Variants in STK39 observed in about 807,000 individuals in gnomAD.
STK39 encodes serine/threonine kinase 39.
A neutral mutation model predicts 77.8 loss-of-function variants in STK39; 20 were observed. The observed-to-expected ratio is 0.26, with a 90% CI of 0.18 to 0.37. The LOEUF is 0.37. Ranked by LOEUF, STK39 falls within the 10% of genes least tolerant of loss-of-function variation. The pLI is 1.00. For missense variants in STK39, 479 were observed against 656.5 expected, an observed-to-expected ratio of 0.73 and a Z score of 2.95; for synonymous variants, 246 against 234.1, an observed-to-expected ratio of 1.05 and a Z score of -0.47.
At chr2:168,074,446 A>G (rs1048758332) in intron 12 of STK39, among the ~76,000 whole-genome samples, 2 of 152,216 alleles carry the variant, frequency 1.3e-5, no homozygotes, top group African/African-American at 4.8e-5. Flanking sequence ...TCAAAAGATG[A>G]CCAGGCCTCA....
chr2:168,030,117 G>T (rs540334162), intron 14 of STK39, among the ~76,000 whole-genome samples: 2 of 152,068 alleles, frequency 1.3e-5, no homozygotes, highest in East Asian at 3.9e-4. Flanking sequence ...GGCGGGCGCC[G>T]GTAGTCCAGC....
At chr2:168,238,593 A>T (rs145374141) in intron 1 of STK39, among the ~76,000 whole-genome samples, 1 of 152,352 alleles carries the variant, frequency 6.6e-6, no homozygotes, top group East Asian at 1.9e-4. Context: ...AGTTTCTTAA[A>T]GCTAAGCCAG....
intron 5 of STK39, among the ~76,000 whole-genome samples, chr2:168,152,392 A>G (rs957887673): frequency 6.6e-6 from 1 of 152,230 alleles, no homozygotes; most frequent in Admixed American, 6.5e-5. Flanking sequence ...AAGTGACTGC[A>G]GCTAATGAAG....
intron 5 of STK39, among the ~76,000 whole-genome samples, chr2:168,145,215 G>T (rs2105543003): frequency 6.6e-6 from 1 of 152,256 alleles, no homozygotes; most frequent in South Asian, 2.1e-4. Context: ...GTGGAGCCAA[G>T]AAGAAAAACT....
At chr2:168,049,616 T>A (rs757219315) in intron 14 of STK39, among the ~76,000 whole-genome samples, 2 of 152,214 alleles carry the variant, frequency 1.3e-5, no homozygotes, top group African/African-American at 2.4e-5. Context: ...GAGAATAACA[T>A]TAGTATCTAT....
Position 168,247,489 on chromosome 2 carries a change from T to G in STK39, c.-54A>C, listed in dbSNP as rs76179989. On this transcript the variant is annotated 5_prime_UTR_variant, in exon 1 of 18. Coordinates refer to ENST00000355999, the MANE Select transcript of STK39 (RefSeq NM_013233.3). ...GCCGGCCGACGGACGACCTTCCACT[T>G]GAAACTTCCTTTGCCTCGCCGCCGA... 0.12 allele frequency: 143,491 copies of G among 1,238,442 alleles called. 9,384 individuals carry two copies. Among genetic ancestry groups the G allele is most frequent in the East Asian group, 0.22 (4,787 of 22,174 alleles). The allele number at this position is 1,238,442 out of a possible 1,614,324, so 76.7% of individuals were successfully genotyped here. A position where few individuals can be genotyped will look rare whatever the true frequency, so the allele number is the denominator to read the frequency against.
chr2:167,962,338 A>G (rs1013116439), intron 17 of STK39, among the ~76,000 whole-genome samples: 6 of 152,214 alleles, frequency 3.9e-5, no homozygotes, highest in East Asian at 1.9e-4. Context: ...TTAGTGTCCT[A>G]TGCAAGATCA....
chr2:168,246,541 C>T (rs1690908057), intron 1 of STK39, among the ~76,000 whole-genome samples: 1 of 152,226 alleles, frequency 6.6e-6, no homozygotes, highest in African/African-American at 2.4e-5. Flanking sequence ...CCCCGGGGAG[C>T]CGGACTGGGC....
At chr2:168,133,288 C>T (rs1687747657) in intron 8 of STK39, among the ~76,000 whole-genome samples, 1 of 152,162 alleles carries the variant, frequency 6.6e-6, no homozygotes, top group African/African-American at 2.4e-5. Flanking sequence ...AAAGAAAACT[C>T]CTTTCTCTGC....
At chr2:168,138,715 G>A (rs996050122) in intron 7 of STK39, among the ~76,000 whole-genome samples, 4 of 152,274 alleles carry the variant, frequency 2.6e-5, no homozygotes, top group Admixed American at 2.6e-4. Context: ...TTAAAAAAAT[G>A]AGAAAACATA....
At chr2:168,062,061 G>A (rs1685679716) in intron 14 of STK39, among the ~76,000 whole-genome samples, 1 of 152,124 alleles carries the variant, frequency 6.6e-6, no homozygotes, top group Non-Finnish European at 1.5e-5. Flanking sequence ...GCTTTAGTAT[G>A]CACAGAAGCT....
At chr2:168,101,274 G>T (rs1280049047) in intron 10 of STK39, among the ~76,000 whole-genome samples, 1 of 152,122 alleles carries the variant, frequency 6.6e-6, no homozygotes, top group Non-Finnish European at 1.5e-5. Flanking sequence ...GTTGATGGGT[G>T]CAGCAAACCA....
chr2:168,082,630 C>T (rs994211999), intron 10 of STK39, among the ~76,000 whole-genome samples: 12 of 152,172 alleles, frequency 7.9e-5, no homozygotes, highest in Admixed American at 6.5e-5. Flanking sequence ...GCTCTGCCTC[C>T]ACGATAAATG....
chr2:168,124,948 G>A (rs1687502802), intron 10 of STK39, among the ~76,000 whole-genome samples: 1 of 151,722 alleles, frequency 6.6e-6, no homozygotes, highest in African/African-American at 2.4e-5. Context: ...ACAGGGAGGG[G>A]AACATCACAT....
At chr2:168,112,654 A>G (rs558142608) in intron 10 of STK39, among the ~76,000 whole-genome samples, 5 of 152,300 alleles carry the variant, frequency 3.3e-5, no homozygotes, top group African/African-American at 1.2e-4. Flanking sequence ...ACAAACTAAT[A>G]CAACCCCTAT....
chr2:168,095,626 T>TC (rs1170003010), intron 10 of STK39, among the ~76,000 whole-genome samples: 17 of 146,154 alleles, frequency 1.2e-4, no homozygotes, highest in Admixed American at 6.1e-4. Context: ...TCTCTTTCTT[T>TC]TTTTTTTTTT....
rs549256270 is a variant in STK39, at chr2:168,204,799, T to C, written c.209-22709A>G. On this transcript the variant is annotated intron_variant, in intron 1 of 17. Transcript: ENST00000355999. ...TGCTATCTCAAATGCTAATAATGCA[T>C]ACATTTAACTCTATTCCAAGGCAAA... 7.2e-5 allele frequency among the ~76,000 whole-genome samples: 11 copies of C among 152,352 alleles called. No individual in the cohort carries two copies. In the South Asian group the frequency reaches 2.3e-3, roughly 32 times the overall value.
chr2:168,191,526 C>T (rs1450735927), intron 1 of STK39, among the ~76,000 whole-genome samples: 2 of 152,218 alleles, frequency 1.3e-5, no homozygotes, highest in Admixed American at 6.5e-5. Flanking sequence ...ACATCAGCCA[C>T]ACCTAAGATG....
At chr2:168,039,150 G>A (rs989067898) in intron 14 of STK39, among the ~76,000 whole-genome samples, 2 of 152,004 alleles carry the variant, frequency 1.3e-5, no homozygotes, top group African/African-American at 4.8e-5. Flanking sequence ...TCCATCATCA[G>A]GTAAGTAAAC....
Sources: gnomAD v4.1 joint callset for allele counts (sites outside exome capture counted in the v4.1 genomes callset) on GRCh38, gnomAD v4.1.1 for gene constraint, MANE v1.5 for transcripts, NCBI Gene and HGNC (gene_info 2026-07-23, HGNC 2026-07-21) for gene names.